LRBA: variants seen among roughly 807,000 people sequenced by gnomAD.
LRBA encodes the protein lipopolysaccharide-responsive and beige-like anchor protein.
LRBA carries 176 observed loss-of-function variants against 330.0 expected under a neutral mutation model. The ratio of observed to expected loss-of-function variants is 0.53; its 90% CI spans 0.47 to 0.60. The LOEUF (loss-of-function observed/expected upper bound fraction) is 0.60, where lower values mean the gene tolerates loss of function less well. Among genes scored for constraint, LRBA ranks in the 20% least tolerant of loss-of-function variants. The pLI, the probability that LRBA is intolerant of heterozygous loss-of-function variation, is 0.00. For synonymous variants in LRBA, 1,230 were observed against 1,193.0 expected, an observed-to-expected ratio of 1.03 and a Z score of -0.64; for missense variants, 3,259 against 3,444.8, an observed-to-expected ratio of 0.95 and a Z score of 1.35.
intron 34 of LRBA, among the ~76,000 whole-genome samples, chr4:150,770,753 C>A (rs1381920983): frequency 6.6e-6 from 1 of 152,102 alleles, no homozygotes; most frequent in East Asian, 1.9e-4. Context: ...GCAAGCACCT[C>A]AGCTGGTCCT....
At chr4:150,650,966 T>C (rs1003944815) in intron 37 of LRBA, among the ~76,000 whole-genome samples, 1 of 152,136 alleles carries the variant, frequency 6.6e-6, no homozygotes, top group African/African-American at 2.4e-5. Context: ...ATGAATTAAG[T>C]GGTGCTCAGA....
chr4:150,878,681 C>T (rs1728021115), intron 17 of LRBA, among the ~76,000 whole-genome samples: 1 of 150,842 alleles, frequency 6.6e-6, no homozygotes, highest in Non-Finnish European at 1.5e-5. Context: ...CATAGAAATA[C>T]AAAAGATCCT....
chr4:150,778,743 G>A (rs890158661), intron 34 of LRBA, among the ~76,000 whole-genome samples: 6 of 152,124 alleles, frequency 3.9e-5, no homozygotes, highest in Non-Finnish European at 7.4e-5. Context: ...ACATTTAGGA[G>A]CCATATAAAT....
chr4:150,406,622 G>A (rs952381584), intron 47 of LRBA, among the ~76,000 whole-genome samples: 2 of 152,022 alleles, frequency 1.3e-5, no homozygotes, highest in African/African-American at 4.8e-5. Flanking sequence ...CTAAAAAGTT[G>A]GTTAATTTAT....
chr4:150,672,237 T>A (rs967029827), intron 37 of LRBA, among the ~76,000 whole-genome samples: 1 of 152,162 alleles, frequency 6.6e-6, no homozygotes, highest in Non-Finnish European at 1.5e-5. Flanking sequence ...CAGGCGTCAG[T>A]ACTTTTTTTA....
intron 40 of LRBA, among the ~76,000 whole-genome samples, chr4:150,502,716 G>C (rs1760445470): frequency 6.6e-6 from 1 of 152,204 alleles, no homozygotes; most frequent in Non-Finnish European, 1.5e-5. Context: ...CAGGACAGTG[G>C]GTGCAGCGCA....
At chr4:150,765,793 T>C (rs185023191) in intron 34 of LRBA, among the ~76,000 whole-genome samples, 4 of 152,252 alleles carry the variant, frequency 2.6e-5, no homozygotes, top group Admixed American at 2.6e-4. Flanking sequence ...ATTTTCATTA[T>C]ATACAGAAAC....
At chr4:150,582,975 G>C in intron 40 of LRBA, 1 of 1,525,636 alleles carries the variant, frequency 6.6e-7, no homozygotes, top group Admixed American at 2.1e-5. Context: ...CGTGAGCCTT[G>C]GATCCCTCAA....
chr4:150,514,403 T>C (rs1302715784), intron 40 of LRBA, among the ~76,000 whole-genome samples: 4 of 152,158 alleles, frequency 2.6e-5, no homozygotes, highest in South Asian at 4.2e-4. Context: ...ACCTGGATGA[T>C]ATCTATGCCG....
chr4:150,278,096 C>T (rs755168035), intron 55 of LRBA, 92 bp from the exon 56 acceptor site: 50 of 1,074,826 alleles, frequency 4.7e-5, no homozygotes, highest in East Asian at 3.2e-4. Context: ...CCAGCTACTA[C>T]GGTGCAGAGA....
chr4:150,627,603 T>C (rs1465173793), intron 37 of LRBA, among the ~76,000 whole-genome samples: 2 of 151,992 alleles, frequency 1.3e-5, no homozygotes, highest in East Asian at 1.9e-4. Flanking sequence ...ATAAGACATA[T>C]GAAATATTTA....
At chr4:150,669,949 A>T (rs1055633974) in intron 37 of LRBA, among the ~76,000 whole-genome samples, 1 of 152,178 alleles carries the variant, frequency 6.6e-6, no homozygotes, top group East Asian at 1.9e-4. Context: ...TCAGTGCATC[A>T]CATCAGGTGG....
chr4:150,670,173 T>A (rs997193046), intron 37 of LRBA, among the ~76,000 whole-genome samples: 4 of 152,232 alleles, frequency 2.6e-5, no homozygotes, highest in African/African-American at 9.6e-5. Context: ...GATTATTGCC[T>A]AAACTGTATT....
At chr4:150,432,117 C>T (rs1184079804) in intron 46 of LRBA, among the ~76,000 whole-genome samples, 1 of 152,024 alleles carries the variant, frequency 6.6e-6, no homozygotes, top group African/African-American at 2.4e-5. Context: ...TGACCCTATT[C>T]TTATTTTTTT....
At chr4:150,279,422 T>G (rs1399792256) in intron 55 of LRBA, among the ~76,000 whole-genome samples, 4 of 152,302 alleles carry the variant, frequency 2.6e-5, no homozygotes, top group Admixed American at 1.3e-4. Flanking sequence ...TACAAACACC[T>G]GTAATCGCAT....
At chr4:150,904,591 G>C (rs1031783354) in intron 13 of LRBA, among the ~76,000 whole-genome samples, 2 of 151,710 alleles carry the variant, frequency 1.3e-5, no homozygotes, top group African/African-American at 4.8e-5. Flanking sequence ...CACATCAAAA[G>C]AGACACAAAG....
At chr4:150,920,050 T>C (rs899191180) in intron 5 of LRBA, among the ~76,000 whole-genome samples, 3 of 151,968 alleles carry the variant, frequency 2.0e-5, no homozygotes, top group Non-Finnish European at 2.9e-5. Flanking sequence ...AAGGAAAAAA[T>C]TGGGCAATAA....
intron 22 of LRBA, among the ~76,000 whole-genome samples, chr4:150,854,227 T>C (rs1310682186): frequency 6.6e-6 from 1 of 152,228 alleles, no homozygotes; most frequent in African/African-American, 2.4e-5. Flanking sequence ...TTCCTAATTG[T>C]AACTATTTCC....
chr4:150,533,846 CAT>C (rs1764319144), intron 40 of LRBA, among the ~76,000 whole-genome samples: 1 of 152,132 alleles, frequency 6.6e-6, no homozygotes, highest in Non-Finnish European at 1.5e-5. Context: ...ACCTAAGAGT[CAT>C]AGAGATCACA....
Sources: gnomAD v4.1 joint callset for allele counts (sites outside exome capture counted in the v4.1 genomes callset) on GRCh38, gnomAD v4.1.1 for gene constraint, MANE v1.5 for transcripts, NCBI Gene and HGNC (gene_info 2026-07-23, HGNC 2026-07-21) for gene names.